The following RGS7 variants were observed in gnomAD, a reference collection of about 807,000 sequenced individuals.
The protein encoded by RGS7 is regulator of G-protein signaling 7.
Under a neutral mutation model 81.1 loss-of-function variants are expected in RGS7, and 27 were observed. The ratio of observed to expected loss-of-function variants is 0.33; its 90% CI spans 0.25 to 0.46. The LOEUF is 0.46. Ranked by LOEUF, RGS7 falls within the 20% of genes least tolerant of loss-of-function variation. The pLI, the probability that RGS7 is intolerant of heterozygous loss-of-function variation, is 1.00. For synonymous variants in RGS7, 208 were observed against 207.7 expected (o/e 1.00, Z -0.01); for missense variants, 396 against 607.4 (o/e 0.65, Z 3.66).
chr1:241,259,445 G>A (rs1485862520), intron 2 of RGS7, among the ~76,000 whole-genome samples: 7 of 151,218 alleles, frequency 4.6e-5, no homozygotes, highest in East Asian at 2.0e-4. Context: ...ACCTGAGATC[G>A]GTAGTTCGAG....
At chr1:241,103,051 GTA>G (rs2064875421) in intron 2 of RGS7, among the ~76,000 whole-genome samples, 2 of 151,078 alleles carry the variant, frequency 1.3e-5, no homozygotes, top group African/African-American at 4.9e-5. Context: ...ACAGTAAGAG[GTA>G]TGAGGGATAG....
intron 9 of RGS7, among the ~76,000 whole-genome samples, chr1:240,863,702 T>C (rs988270653): frequency 6.6e-6 from 1 of 152,066 alleles, no homozygotes; most frequent in South Asian, 2.1e-4. Context: ...CTATAATATA[T>C]GAAAAATGCC....
chr1:241,207,100 C>T (rs998173421), intron 2 of RGS7, among the ~76,000 whole-genome samples: 1 of 150,628 alleles, frequency 6.6e-6, no homozygotes, highest in Non-Finnish European at 1.5e-5. Context: ...TCCCGAGTAG[C>T]TGGGACTACA....
At chr1:240,931,053 A>C (rs2148346291) in intron 5 of RGS7, among the ~76,000 whole-genome samples, 1 of 152,310 alleles carries the variant, frequency 6.6e-6, no homozygotes, top group Non-Finnish European at 1.5e-5. Context: ...AAAAGGTCTG[A>C]TTGTATATTC....
intron 2 of RGS7, among the ~76,000 whole-genome samples, chr1:241,161,866 T>C (rs10158277): frequency 0.039 from 5,967 of 151,922 alleles, 384 homozygotes; most frequent in African/African-American, 0.14. Context: ...TACAGGCGCC[T>C]GCTACCACGC....
chr1:241,006,718 T>C (rs1440153513), intron 3 of RGS7, among the ~76,000 whole-genome samples: 1 of 152,184 alleles, frequency 6.6e-6, no homozygotes, highest in African/African-American at 2.4e-5. Flanking sequence ...GTACAGTTGA[T>C]GCTTGAACAA....
chr1:241,226,098 G>C (rs2075294313), intron 2 of RGS7, among the ~76,000 whole-genome samples: 1 of 152,048 alleles, frequency 6.6e-6, no homozygotes, highest in African/African-American at 2.4e-5. Context: ...ATGGAGATGA[G>C]AGCACCCAAG....
At position 241,259,667 on chromosome 1, in the gene RGS7, A is replaced by AAAAAAAAAAAAAAAAAAAAAAAT; in HGVS notation, c.78+96031_78+96032insATTTTTTTTTTTTTTTTTTTTTT. 7.1e-4 allele frequency among the ~76,000 whole-genome samples: 35 copies of AAAAAAAAAAAAAAAAAAAAAAAT among 49,116 alleles called. 1 individual carries two copies. The highest frequency in any genetic ancestry group is 8.7e-4 in the Non-Finnish European group (24 of 27,548). The allele number at this position is 49,116 out of a possible 152,430, so 32.2% of individuals were successfully genotyped here. On this transcript the variant is annotated intron_variant, in intron 2 of 18. Coordinates refer to ENST00000440928, the MANE Select transcript of RGS7 (RefSeq NM_001364886.1). Reference sequence around the variant, plus strand: ...CTCCGTCTCAAAAAAAAAAAAAAAAAATATATATATATATATATAATTAAA... The same window carrying AAAAAAAAAAAAAAAAAAAAAAAT: ...CTCCGTCTCAAAAAAAAAAAAAAAAAAAAAAAAAAAAAAAAAAAAAAATATATATATATATATATATAATTAAA...
chr1:241,099,664 A>C (rs1249040021), intron 2 of RGS7, among the ~76,000 whole-genome samples: 3 of 152,232 alleles, frequency 2.0e-5, no homozygotes, highest in Non-Finnish European at 2.9e-5. Flanking sequence ...TGTGCTTCTA[A>C]ACCTGGGAGA....
intron 2 of RGS7, among the ~76,000 whole-genome samples, chr1:241,227,685 T>C (rs903246666): frequency 6.7e-6 from 1 of 150,162 alleles, no homozygotes; most frequent in Admixed American, 6.7e-5. Context: ...CTGCAGAGAG[T>C]GAGCCATGAT....
At chr1:240,953,966 G>A (rs952051049) in intron 4 of RGS7, among the ~76,000 whole-genome samples, 1 of 151,982 alleles carries the variant, frequency 6.6e-6, no homozygotes, top group Non-Finnish European at 1.5e-5. Flanking sequence ...GGAACACTAT[G>A]AGCAATACTA....
intron 2 of RGS7, among the ~76,000 whole-genome samples, chr1:241,277,186 T>C (rs1290526103): frequency 1.3e-5 from 2 of 152,236 alleles, no homozygotes; most frequent in Non-Finnish European, 2.9e-5. Flanking sequence ...ATAATTCTCT[T>C]GAAAGACCAA....
In RGS7 at chr1:241,041,158, A is replaced by G. The variant is rs562283163; in HGVS notation, c.175+57508T>C. On this transcript the variant is annotated intron_variant, in intron 3 of 18. Transcript: ENST00000440928. ...TGAACTGAAAAAAGACCTACTTAGG[A>G]AACAGAAATACTTCTGAGATATTGA... Among the ~76,000 whole-genome samples the G allele has an allele frequency of 4.6e-5, 7 of 152,330 alleles. No individual in the cohort carries two copies. The East Asian group carries it at 9.7e-4, about 21-fold the overall frequency.
chr1:241,287,486 A>G (rs2078877538), intron 2 of RGS7, among the ~76,000 whole-genome samples: 1 of 152,210 alleles, frequency 6.6e-6, no homozygotes, highest in Non-Finnish European at 1.5e-5. Flanking sequence ...GTCTTCTGCC[A>G]TGATTATGAG....
chr1:240,811,872 C>T (rs759461956), intron 14 of RGS7, 46 bp downstream of exon 14: 2 of 1,518,360 alleles, frequency 1.3e-6, no homozygotes, highest in Non-Finnish European at 1.8e-6. Flanking sequence ...AGACACATCA[C>T]AGACAGTATT....
intron 11 of RGS7, 34 bp from the exon 12 acceptor site, chr1:240,814,811 T>C: frequency 7.6e-7 from 1 of 1,322,344 alleles, no homozygotes; most frequent in Non-Finnish European, 1.1e-6. Context: ...GTTACATAAG[T>C]AATGACATTT....
chr1:241,230,700 G>GAA (rs2075607656), intron 2 of RGS7, among the ~76,000 whole-genome samples: 1 of 146,476 alleles, frequency 6.8e-6, no homozygotes, highest in Admixed American at 6.9e-5. Context: ...GAGAGGACAG[G>GAA]AAGAAGGCTG....
At chr1:241,244,016 G>A (rs1439992223) in intron 2 of RGS7, among the ~76,000 whole-genome samples, 1 of 152,140 alleles carries the variant, frequency 6.6e-6, no homozygotes, top group African/African-American at 2.4e-5. Context: ...TTTCTAGCGG[G>A]CAGTGAAATG....
chr1:240,970,907 G>A (rs1468082380), intron 4 of RGS7, among the ~76,000 whole-genome samples: 1 of 151,944 alleles, frequency 6.6e-6, no homozygotes, highest in Non-Finnish European at 1.5e-5. Flanking sequence ...TGAACCCGGG[G>A]GGCAGAGGTT....
Sources: allele counts gnomAD v4.1 joint callset (sites outside exome capture counted in the v4.1 genomes callset), GRCh38; gene constraint gnomAD v4.1.1; transcripts MANE v1.5; gene names NCBI Gene and HGNC (gene_info 2026-07-23, HGNC 2026-07-21).